The following THSD7B variants were observed in gnomAD, a reference collection of about 807,000 sequenced individuals.
THSD7B encodes thrombospondin type 1 domain containing 7B.
A neutral mutation model predicts 213.6 loss-of-function variants in THSD7B; 138 were observed. The ratio of observed to expected loss-of-function variants is 0.65; its 90% CI spans 0.56 to 0.74. THSD7B has a LOEUF of 0.74. THSD7B is among the 30% of genes least tolerant of loss of function. The pLI is 0.00. For synonymous variants in THSD7B, 742 were observed against 687.0 expected, an observed-to-expected ratio of 1.08 and a Z score of -1.25; for missense variants, 1,931 against 1,991.5, an observed-to-expected ratio of 0.97 and a Z score of 0.58.
chr2:137,273,851 T>C (rs999635056), intron 11 of THSD7B, among the ~76,000 whole-genome samples: 2 of 152,098 alleles, frequency 1.3e-5, no homozygotes, highest in African/African-American at 4.8e-5. Flanking sequence ...TTGAAACTTC[T>C]GAGCCCAGCA....
chr2:136,852,737 T>C (rs980068365), intron 1 of THSD7B, among the ~76,000 whole-genome samples: 2 of 152,244 alleles, frequency 1.3e-5, no homozygotes, highest in Non-Finnish European at 2.9e-5. Flanking sequence ...TTTCATTTTA[T>C]AACTAAAAGA....
At chr2:137,510,237 C>A (rs1015498742) in intron 15 of THSD7B, among the ~76,000 whole-genome samples, 1 of 151,934 alleles carries the variant, frequency 6.6e-6, no homozygotes, top group Non-Finnish European at 1.5e-5. Context: ...AGCCATTTTA[C>A]CCCCCTAGTT....
intron 1 of THSD7B, among the ~76,000 whole-genome samples, chr2:136,848,505 T>A (rs758828484): frequency 3.9e-5 from 6 of 152,154 alleles, no homozygotes; most frequent in Non-Finnish European, 8.8e-5. Flanking sequence ...AAAAGACAGA[T>A]GCTAAATTAA....
rs551523185 is a variant in THSD7B at position 137,558,857 on chromosome 2, C to T, written c.3139-4364C>T. On this transcript the variant is annotated intron_variant, in intron 15 of 27. Coordinates refer to ENST00000409968, the MANE Select transcript of THSD7B (RefSeq NM_001316349.2). ...AATCTCCTTAAGCTGATAAGCAACT[C>T]CAGCAAAGTCTCAGGATACAAAATC... Among the ~76,000 whole-genome samples the T allele has an allele frequency of 7.1e-3, 1,075 of 152,194 alleles. 13 individuals carry two copies. The highest frequency in any genetic ancestry group is 0.025 in the African/African-American group (1,022 of 41,532).
At chr2:137,142,173 A>G (rs143250538) in intron 5 of THSD7B, among the ~76,000 whole-genome samples, 1 of 152,320 alleles carries the variant, frequency 6.6e-6, no homozygotes, top group African/African-American at 2.4e-5. Context: ...ACAGAAATTT[A>G]TTGACTCACA....
chr2:137,676,508 T>A lies in THSD7B; in HGVS notation c.4740-16T>A. 6.3e-7 allele frequency: 1 copy of A among 1,576,498 alleles called. No homozygotes were observed. Among genetic ancestry groups the A allele is most frequent in the Non-Finnish European group, 8.6e-7 (1 of 1,162,822 alleles). ...TATGAACTTACTTGATCTGAGGAAT[T>A]TTTTTCCCTTTGCAGCAAGAAGCCA... On this transcript the variant is annotated splice_polypyrimidine_tract_variant and intron_variant, in intron 27 of 27. Transcript: ENST00000409968.
intron 3 of THSD7B, among the ~76,000 whole-genome samples, chr2:137,092,590 T>A (rs1687969266): frequency 6.6e-6 from 1 of 152,088 alleles, no homozygotes; most frequent in Non-Finnish European, 1.5e-5. Context: ...AAATGATCGC[T>A]CCCCCATTTA....
Position 137,292,979 on chromosome 2 carries a change from C to T in THSD7B, c.2500+16953C>T, listed in dbSNP as rs6720732. On this transcript the variant is annotated intron_variant, in intron 12 of 27. Transcript: ENST00000409968. ...GTTTGTGGAACTATGAATCAAATTG[C>T]GTGCCCTCTCCTTGCCATGGGATAG... is the stretch of plus-strand genomic sequence containing the variant. Among the ~76,000 whole-genome samples, 1,218 of 152,150 alleles carry T rather than the reference C, an allele frequency of 8.0e-3. 18 individuals carry two copies. Among genetic ancestry groups the T allele is most frequent in the African/African-American group, 0.028 (1,165 of 41,508 alleles).
At chr2:137,623,294 A>C (rs1056578551) in intron 20 of THSD7B, among the ~76,000 whole-genome samples, 1 of 152,080 alleles carries the variant, frequency 6.6e-6, no homozygotes, top group South Asian at 2.1e-4. Flanking sequence ...CATGCTAAAA[A>C]CTCTCAATAA....
intron 5 of THSD7B, among the ~76,000 whole-genome samples, chr2:137,116,167 G>A (rs1244720556): frequency 6.6e-6 from 1 of 152,146 alleles, no homozygotes; most frequent in Non-Finnish European, 1.5e-5. Flanking sequence ...ACATAGCTTT[G>A]CAGAGTTCAT....
intron 17 of THSD7B, among the ~76,000 whole-genome samples, chr2:137,598,762 AATGTCTGTGTAACTC>A (rs1682014950): frequency 6.6e-6 from 1 of 152,158 alleles, no homozygotes; most frequent in Non-Finnish European, 1.5e-5. Context: ...CAAGCTTGTA[AATGTCTGTGTAACTC>A]ATAATTCAAT....
At chr2:137,158,000 A>C (rs1679942792) in intron 5 of THSD7B, among the ~76,000 whole-genome samples, 1 of 152,346 alleles carries the variant, frequency 6.6e-6, no homozygotes, top group East Asian at 1.9e-4. Flanking sequence ...TAAGCCATCC[A>C]GCTATGCAGC....
intron 1 of THSD7B, among the ~76,000 whole-genome samples, chr2:136,790,223 A>T (rs554064089): frequency 6.6e-6 from 1 of 152,034 alleles, no homozygotes; most frequent in East Asian, 1.9e-4. Context: ...CGCCTTCACC[A>T]GTCCTCACTT....
chr2:137,288,809 A>G (rs1243038418), intron 12 of THSD7B, among the ~76,000 whole-genome samples: 1 of 142,220 alleles, frequency 7.0e-6, no homozygotes, highest in African/African-American at 2.6e-5. Context: ...ATATATATAT[A>G]TATTAGAATC....
intron 15 of THSD7B, among the ~76,000 whole-genome samples, chr2:137,541,204 C>T (rs1680603546): frequency 6.6e-6 from 1 of 151,452 alleles, no homozygotes; most frequent in Non-Finnish European, 1.5e-5. Context: ...TAACAAATAG[C>T]AACAACAACA....
At chr2:137,153,346 CTT>C (rs755519285) in intron 5 of THSD7B, among the ~76,000 whole-genome samples, 2 of 152,072 alleles carry the variant, frequency 1.3e-5, no homozygotes, top group Non-Finnish European at 2.9e-5. Context: ...ATTCAGAAAA[CTT>C]TTTGACATGT....
At chr2:137,468,001 C>CAT (rs1379583717) in intron 15 of THSD7B, among the ~76,000 whole-genome samples, 1 of 152,156 alleles carries the variant, frequency 6.6e-6, no homozygotes, top group Non-Finnish European at 1.5e-5. Context: ...AAATTATGCA[C>CAT]ATATTAATGA....
chr2:137,584,099 A>G (rs1681653560), intron 17 of THSD7B, among the ~76,000 whole-genome samples: 1 of 152,142 alleles, frequency 6.6e-6, no homozygotes, highest in Admixed American at 6.6e-5. Context: ...TCTTTGAAGC[A>G]ACTGGGAATG....
At chr2:137,172,209 T>A (rs1226284138) in intron 7 of THSD7B, among the ~76,000 whole-genome samples, 1 of 152,214 alleles carries the variant, frequency 6.6e-6, no homozygotes, top group African/African-American at 2.4e-5. Flanking sequence ...GTTTTCATAG[T>A]TGGTCTTTAA....
Sources: gnomAD v4.1 joint callset for allele counts (sites outside exome capture counted in the v4.1 genomes callset) on GRCh38, gnomAD v4.1.1 for gene constraint, MANE v1.5 for transcripts, NCBI Gene and HGNC (gene_info 2026-07-23, HGNC 2026-07-21) for gene names.